UBE2N: variants seen among roughly 807,000 people sequenced by gnomAD.
The protein encoded by UBE2N is ubiquitin-conjugating enzyme E2 N.
For synonymous variants in UBE2N, 70 were observed against 69.2 expected, an observed-to-expected ratio of 1.01 and a Z score of -0.06; for missense variants, 60 against 192.1, an observed-to-expected ratio of 0.31 and a Z score of 4.07.
intron 1 of UBE2N, among the ~76,000 whole-genome samples, chr12:93,417,651 T>C (rs1401231833): frequency 1.3e-5 from 2 of 152,204 alleles, no homozygotes; most frequent in Non-Finnish European, 2.9e-5. Flanking sequence ...TTTTAGCTCA[T>C]CTCAAACAAG....
chr12:93,440,442 A>T (rs929902274), intron 1 of UBE2N, among the ~76,000 whole-genome samples: 4 of 152,180 alleles, frequency 2.6e-5, no homozygotes, highest in African/African-American at 9.7e-5. Flanking sequence ...CATTTCTAAG[A>T]ATTTCTACCA....
intron 1 of UBE2N, among the ~76,000 whole-genome samples, chr12:93,434,986 G>T (rs879530335): frequency 6.6e-6 from 1 of 151,948 alleles, no homozygotes; most frequent in Non-Finnish European, 1.5e-5. Flanking sequence ...GCTCACTGCA[G>T]CCCCGGCCTC....
chr12:93,438,528 G>A (rs182929394), intron 1 of UBE2N, among the ~76,000 whole-genome samples: 209 of 152,026 alleles, frequency 1.4e-3, no homozygotes, highest in African/African-American at 4.9e-3. Context: ...GTGCAGATGC[G>A]CTCAGAAGTA....
At chr12:93,410,398 T>C (rs760395540) in intron 3 of UBE2N, 35 of 499,858 alleles carry the variant, frequency 7.0e-5, no homozygotes, top group Non-Finnish European at 1.1e-4. Flanking sequence ...TCCGTAGCCA[T>C]AAACAGCTGA....
intron 1 of UBE2N, among the ~76,000 whole-genome samples, chr12:93,426,723 T>C (rs1565796004): frequency 6.6e-6 from 1 of 152,284 alleles, no homozygotes; most frequent in South Asian, 2.1e-4. Flanking sequence ...AGTCAATCAA[T>C]GTCTCTCACT....
intron 1 of UBE2N, among the ~76,000 whole-genome samples, chr12:93,415,770 C>T (rs1474292025): frequency 6.6e-6 from 1 of 152,050 alleles, no homozygotes; most frequent in Non-Finnish European, 1.5e-5. Context: ...AGCCAGGGCC[C>T]AAGAGTCCCA....
chr12:93,427,678 T>C (rs1878636035), intron 1 of UBE2N, among the ~76,000 whole-genome samples: 1 of 152,190 alleles, frequency 6.6e-6, no homozygotes, highest in Non-Finnish European at 1.5e-5. Context: ...GATGATGTTG[T>C]ACTACTTTGT....
At chr12:93,436,614 G>C (rs927301365) in intron 1 of UBE2N, among the ~76,000 whole-genome samples, 6 of 151,842 alleles carry the variant, frequency 4.0e-5, no homozygotes, top group Admixed American at 6.6e-5. Flanking sequence ...ATGACTTTAA[G>C]CTTTAACTGC....
chr12:93,416,736 G>A (rs999024744), intron 1 of UBE2N, among the ~76,000 whole-genome samples: 4 of 151,710 alleles, frequency 2.6e-5, no homozygotes, highest in African/African-American at 9.7e-5. Context: ...CATTGCAGGT[G>A]GGATGCCATG....
chr12:93,422,488 C>T (rs1878446381), intron 1 of UBE2N, among the ~76,000 whole-genome samples: 1 of 152,080 alleles, frequency 6.6e-6, no homozygotes, highest in Non-Finnish European at 1.5e-5. Flanking sequence ...CCATGGTCCT[C>T]GAGGCACTAT....
At chr12:93,424,957 T>A (rs1323040064) in intron 1 of UBE2N, among the ~76,000 whole-genome samples, 1 of 152,250 alleles carries the variant, frequency 6.6e-6, no homozygotes, top group African/African-American at 2.4e-5. Context: ...GAACTTTGTT[T>A]CGTTTATGAA....
At chr12:93,440,797 T>C (rs1204404980) in intron 1 of UBE2N, among the ~76,000 whole-genome samples, 1 of 152,242 alleles carries the variant, frequency 6.6e-6, no homozygotes, top group Non-Finnish European at 1.5e-5. Context: ...GTCTGAAGAC[T>C]TGTCGATATT....
At chr12:93,429,343 T>C (rs1354813349) in intron 1 of UBE2N, 1 of 414,612 alleles carries the variant, frequency 2.4e-6, no homozygotes, top group Non-Finnish European at 4.7e-6. Flanking sequence ...AACTCTAACA[T>C]ATTTTTAGAC....
chr12:93,411,952 A>G (rs1458975128), intron 1 of UBE2N, among the ~76,000 whole-genome samples: 3 of 152,270 alleles, frequency 2.0e-5, no homozygotes, highest in African/African-American at 7.2e-5. Flanking sequence ...TTGGCTTCCC[A>G]AAGTGCTGAG....
intron 1 of UBE2N, among the ~76,000 whole-genome samples, chr12:93,430,069 A>T (rs193177295): frequency 6.6e-6 from 1 of 152,336 alleles, no homozygotes; most frequent in East Asian, 1.9e-4. Context: ...CACCCAGGGC[A>T]ACTTCCAGTC....
intron 1 of UBE2N, among the ~76,000 whole-genome samples, chr12:93,421,507 G>T (rs1878410809): frequency 6.6e-6 from 1 of 152,154 alleles, no homozygotes; most frequent in Admixed American, 6.5e-5. Context: ...AACTACATAA[G>T]CAGTAAATGT....
At chr12:93,433,468 A>C (rs7305670) in intron 1 of UBE2N, among the ~76,000 whole-genome samples, 18,764 of 152,134 alleles carry the variant, frequency 0.12, 3,732 homozygotes, top group African/African-American at 0.42. Context: ...CCTATTATTT[A>C]ATTGCCTAAT....
At position 93,408,266 on chromosome 12, in the gene UBE2N, ATATTAGGGTTGTTAAC is replaced by A. The variant is rs1877924504; in HGVS notation, c.*1757_*1772del. 6.6e-6 allele frequency: 1 copy of A among 152,246 alleles called. No individual in the cohort carries two copies. The highest frequency in any genetic ancestry group is 2.1e-4 in the South Asian group (1 of 4,838). The allele number at this position is 152,246 out of a possible 1,614,324, so 9.4% of individuals were successfully genotyped here. A position where few individuals can be genotyped will look rare whatever the true frequency, so the allele number is the denominator to read the frequency against. The stretch of plus-strand genomic sequence containing the variant: ...CTGCTATCAGTTTTCAAATTTTACA[ATATTAGGGTTGTTAAC>A]TATTTCATTCTGAATTAAGCTAACA... On this transcript the variant is annotated 3_prime_UTR_variant, in exon 4 of 4. Transcript: ENST00000318066.
At chr12:93,433,624 A>T (rs551561567) in intron 1 of UBE2N, among the ~76,000 whole-genome samples, 1 of 152,158 alleles carries the variant, frequency 6.6e-6, no homozygotes, top group Admixed American at 6.6e-5. Context: ...TATGCCTCTC[A>T]TATTTATTTT....
Sources: gnomAD v4.1 joint callset for allele counts (sites outside exome capture counted in the v4.1 genomes callset) on GRCh38, gnomAD v4.1.1 for gene constraint, MANE v1.5 for transcripts, NCBI Gene and HGNC (gene_info 2026-07-23, HGNC 2026-07-21) for gene names.